The following NUP214 variants were observed in gnomAD, a reference collection of about 807,000 sequenced individuals.
NUP214 encodes the protein nuclear pore complex protein Nup214.
In NUP214, 79 loss-of-function variants were observed where a neutral mutation model predicts 196.2. The observed-to-expected ratio is 0.40, with a 90% CI of 0.34 to 0.49. The LOEUF is 0.49. Ranked by LOEUF, NUP214 falls within the 20% of genes least tolerant of loss-of-function variation. The pLI is 0.58. For missense variants in NUP214, 2,468 were observed against 2,539.0 expected, an observed-to-expected ratio of 0.97 and a Z score of 0.60; for synonymous variants, 1,020 against 990.5, an observed-to-expected ratio of 1.03 and a Z score of -0.56.
At chr9:131,208,691 C>T (rs953660446) in intron 30 of NUP214, among the ~76,000 whole-genome samples, 6 of 149,656 alleles carry the variant, frequency 4.0e-5, no homozygotes, top group Non-Finnish European at 7.4e-5. Context: ...AGCGAGACTC[C>T]GTCTCAGAAC....
intron 26 of NUP214, 165 bp from the exon 27 acceptor site, chr9:131,192,043 C>A (rs1833615893): frequency 2.1e-6 from 1 of 476,242 alleles, no homozygotes. Flanking sequence ...ACAAGTGAGG[C>A]AACGTGCTCA....
At chr9:131,162,610 T>C (rs1254388771) in intron 18 of NUP214, among the ~76,000 whole-genome samples, 1 of 152,196 alleles carries the variant, frequency 6.6e-6, no homozygotes, top group African/African-American at 2.4e-5. Context: ...ACCTTTTTTT[T>C]TTAATTGAAT....
At chr9:131,205,107 C>G (rs1344668473) in intron 30 of NUP214, among the ~76,000 whole-genome samples, 1 of 152,060 alleles carries the variant, frequency 6.6e-6, no homozygotes, top group African/African-American at 2.4e-5. Flanking sequence ...GGCGACAGAG[C>G]AAGACTCCAT....
intron 27 of NUP214, 66 bp from the exon 28 acceptor site, chr9:131,195,167 A>G: frequency 9.1e-7 from 1 of 1,098,634 alleles, no homozygotes; most frequent in Non-Finnish European, 1.4e-6. Flanking sequence ...GATAAAATGG[A>G]ATATTAAGAG....
intron 29 of NUP214, among the ~76,000 whole-genome samples, chr9:131,200,661 A>G (rs950914613): frequency 8.5e-5 from 13 of 152,150 alleles, no homozygotes; most frequent in African/African-American, 2.9e-4. Context: ...GTGAGCCAAG[A>G]TCGTGCCACT....
chr9:131,230,550 AC>A (rs1422786080), intron 33 of NUP214, 79 bp from the exon 34 acceptor site: 7 of 1,552,980 alleles, frequency 4.5e-6, no homozygotes, highest in African/African-American at 1.4e-5. Flanking sequence ...ATTGGGACTT[AC>A]AGCAGGGGGC....
chr9:131,181,195 C>A (rs1196427849), intron 24 of NUP214, among the ~76,000 whole-genome samples: 1 of 152,006 alleles, frequency 6.6e-6, no homozygotes, highest in Non-Finnish European at 1.5e-5. Context: ...GAAGAAAGCT[C>A]CAAGCACAGG....
intron 8 of NUP214, 191 bp downstream of exon 8, chr9:131,135,195 T>G: frequency 1.9e-6 from 1 of 515,636 alleles, no homozygotes; most frequent in Non-Finnish European, 3.4e-6. Flanking sequence ...GCTCAAGTGA[T>G]CCTTCCACCT....
intron 24 of NUP214, among the ~76,000 whole-genome samples, chr9:131,183,095 C>G (rs1035442551): frequency 1.8e-4 from 27 of 152,208 alleles, no homozygotes; most frequent in African/African-American, 6.5e-4. Flanking sequence ...TTCCTCCCCA[C>G]TACCCCCCAG....
rs142450352 is a variant in NUP214 at position 131,132,115 on chromosome 9, C to CTTTTTTTTTTTT, written c.664-478_664-477insTTTTTTTTTTTT. ...TGCGTTCATGCGTTTCTTTTCTTTT[C>CTTTTTTTTTTTT]TTTCTTTTTTTTTTTTTTTTGGAGA... On this transcript the variant is annotated intron_variant, in intron 5 of 35. Transcript: ENST00000359428. 2.6e-4 allele frequency among the ~76,000 whole-genome samples: 28 copies of CTTTTTTTTTTTT among 108,158 alleles called. 1 individual carries two copies. The highest frequency in any genetic ancestry group is 3.8e-4 in the Non-Finnish European group (21 of 54,818). The allele number at this position is 108,158 out of a possible 152,430, so 71.0% of individuals were successfully genotyped here.
intron 9 of NUP214, among the ~76,000 whole-genome samples, chr9:131,137,794 G>A (rs1249777468): frequency 4.6e-5 from 7 of 151,812 alleles, no homozygotes; most frequent in Non-Finnish European, 7.4e-5. Context: ...CAGGTGATCC[G>A]CCCGCCTCAG....
Position 131,141,788 on chromosome 9 carries a change from A to G in NUP214, c.1294+1078A>G, listed in dbSNP as rs112454169. The G allele has an allele frequency of 5.3e-5, 8 of 152,286 alleles. 1 individual carries two copies. Among genetic ancestry groups the G allele is most frequent in the African/African-American group, 1.7e-4 (7 of 41,546 alleles). 9.4% of individuals were successfully genotyped at this position (152,286 alleles called of 1,614,324 possible). On this transcript the variant is annotated intron_variant, in intron 11 of 35. Coordinates refer to ENST00000359428, the MANE Select transcript of NUP214 (RefSeq NM_005085.4). ...TACACTGTGCATGACCAGAAAATAT[A>G]AAACTTTTAAAAAGAGCATTGTTTC...
chr9:131,178,889 T>G (rs527623851), intron 24 of NUP214, among the ~76,000 whole-genome samples: 1 of 152,288 alleles, frequency 6.6e-6, no homozygotes, highest in East Asian at 1.9e-4. Flanking sequence ...TTTGGAGACT[T>G]TAGCTTCTCT....
chr9:131,130,137 G>GTTTTGT (rs1564176236), intron 4 of NUP214, among the ~76,000 whole-genome samples: 99 of 76,890 alleles, frequency 1.3e-3, no homozygotes, highest in South Asian at 2.8e-3. Flanking sequence ...TTCTGGTTTT[G>GTTTTGT]TTTTTTTTTT....
chr9:131,201,789 T>G, intron 30 of NUP214, 72 bp downstream of exon 30: 6 of 1,279,502 alleles, frequency 4.7e-6, no homozygotes, highest in Non-Finnish European at 6.9e-6. Context: ...TGTAATGTAG[T>G]CAGTTCGTGT....
At chr9:131,228,115 C>T in intron 32 of NUP214, 45 bp from the exon 33 acceptor site, 3 of 1,493,326 alleles carry the variant, frequency 2.0e-6, no homozygotes, top group Non-Finnish European at 2.7e-6. Flanking sequence ...CTGTCTCCTC[C>T]TTTCTTTCTC....
intron 30 of NUP214, among the ~76,000 whole-genome samples, chr9:131,205,849 A>AT (rs1418922983): frequency 2.0e-5 from 3 of 152,002 alleles, no homozygotes; most frequent in Non-Finnish European, 4.4e-5. Flanking sequence ...CGCCCAGCTA[A>AT]TTTTTGTATT....
chr9:131,184,026 C>CTTTTTTTT (rs776765956), intron 24 of NUP214, among the ~76,000 whole-genome samples: 163 of 104,364 alleles, frequency 1.6e-3, no homozygotes, highest in Middle Eastern at 6.8e-3. Flanking sequence ...TTTTCTTTTT[C>CTTTTTTTT]TTTTTTTTTT....
At position 131,223,159 on chromosome 9, in the gene NUP214, A is replaced by C. The variant is rs529300675; in HGVS notation, c.5902+229A>C. Among the ~76,000 whole-genome samples, 7 of 151,614 alleles carry C rather than the reference A, an allele frequency of 4.6e-5. No homozygotes were observed. The South Asian group carries it at 1.5e-3, about 32-fold the overall frequency. On this transcript the variant is annotated intron_variant, in intron 32 of 35. Coordinates refer to ENST00000359428, the MANE Select transcript of NUP214 (RefSeq NM_005085.4). ...TAAAAGCATAGAATGCAAGTAATGC[A>C]ACATTTTTTTTTCTTTTTTTTTTTG...
Sources: gnomAD v4.1 joint callset for allele counts (sites outside exome capture counted in the v4.1 genomes callset) on GRCh38, gnomAD v4.1.1 for gene constraint, MANE v1.5 for transcripts, NCBI Gene and HGNC (gene_info 2026-07-23, HGNC 2026-07-21) for gene names.